Variants in CTIF observed in about 807,000 individuals in gnomAD.
The protein encoded by CTIF is CBP80/20-dependent translation initiation factor.
In CTIF, 21 loss-of-function variants were observed where a neutral mutation model predicts 66.0. The ratio of observed to expected loss-of-function variants is 0.32; its 90% confidence interval spans 0.23 to 0.46. The LOEUF (loss-of-function observed/expected upper bound fraction) is 0.46, where lower values mean the gene tolerates loss of function less well. Ranked by LOEUF, CTIF falls within the 20% of genes least tolerant of loss-of-function variation. The pLI, the probability that CTIF is intolerant of heterozygous loss-of-function variation, is 1.00. For synonymous variants in CTIF, 345 were observed against 326.4 expected (o/e 1.06, Z -0.62); for missense variants, 739 against 812.7 (o/e 0.91, Z 1.10).
intron 7 of CTIF, among the ~76,000 whole-genome samples, chr18:48,738,900 T>A (rs1198499241): frequency 6.6e-6 from 1 of 152,220 alleles, no homozygotes; most frequent in Non-Finnish European, 1.5e-5. Context: ...ACTTACTTTA[T>A]CCTCTCAGGG....
intron 6 of CTIF, among the ~76,000 whole-genome samples, chr18:48,706,241 CT>C (rs1194067521): frequency 6.6e-6 from 1 of 152,194 alleles, no homozygotes; most frequent in African/African-American, 2.4e-5. Context: ...AGAATATGTG[CT>C]CTGTAAGAAC....
rs1029361999 is a variant in CTIF at position 48,758,272 on chromosome 18, C to A, written c.938C>A (p.Pro313Gln). 4.3e-6 allele frequency: 7 copies of A among 1,613,402 alleles called. No homozygotes were observed. In the African/African-American group the frequency reaches 6.7e-5, roughly 15 times the overall value. The change falls in exon 8 of 12, where the codon CCA becomes CAA. Residue 313 changes from proline (P) to glutamine (Q), a missense_variant. This residue lies in a region of CTIF where 529 missense variants were observed against 520.3 expected (regional missense o/e 1.02). Coordinates refer to ENST00000256413, the MANE Select transcript of CTIF (RefSeq NM_014772.3). ...LAPVASERLPPQQSGGPEVET... is the reference protein window; with the variant it reads ...LAPVASERLPQQQSGGPEVET... Reference sequence around the variant, plus strand: ...CCGGTGGCTTCTGAGCGGCTGCCCCCACAGCAGTCAGGGGGGCCAGAGGTT... The same window carrying A: ...CCGGTGGCTTCTGAGCGGCTGCCCCAACAGCAGTCAGGGGGGCCAGAGGTT...
intron 9 of CTIF, among the ~76,000 whole-genome samples, chr18:48,769,732 A>G (rs540199214): frequency 3.9e-5 from 6 of 152,316 alleles, no homozygotes; most frequent in South Asian, 2.1e-4. Context: ...CTCGTTGCCA[A>G]TCTTGTTGTC....
At chr18:48,620,158 A>C (rs1414865852) in intron 2 of CTIF, among the ~76,000 whole-genome samples, 1 of 152,220 alleles carries the variant, frequency 6.6e-6, no homozygotes, top group Admixed American at 6.5e-5. Flanking sequence ...TGTGATTTCA[A>C]ATACAAGTAG....
intron 2 of CTIF, among the ~76,000 whole-genome samples, chr18:48,629,636 CAA>C (rs377481318): frequency 1.9e-4 from 26 of 134,764 alleles, no homozygotes; most frequent in Non-Finnish European, 1.5e-4. Flanking sequence ...TTGTTTAGAG[CAA>C]AAAAAAAAAA....
chr18:48,601,416 G>A (rs1384480410), intron 1 of CTIF, among the ~76,000 whole-genome samples: 2 of 152,186 alleles, frequency 1.3e-5, no homozygotes, highest in Non-Finnish European at 2.9e-5. Context: ...TTTGGCAAGG[G>A]CGTTGCCAGA....
intron 9 of CTIF, among the ~76,000 whole-genome samples, chr18:48,794,905 A>G (rs1213897247): frequency 6.6e-6 from 1 of 152,024 alleles, no homozygotes; most frequent in Non-Finnish European, 1.5e-5. Flanking sequence ...GTGTGGATGC[A>G]TGGGTGATCG....
At chr18:48,679,042 C>A (rs299735) in intron 6 of CTIF, among the ~76,000 whole-genome samples, 146,486 of 152,306 alleles carry the variant, frequency 0.96, 70,688 homozygotes, top group East Asian at 1. Context: ...AATATTGACT[C>A]TCTGGCTTTT....
At chr18:48,618,399 A>C (rs1265863358) in intron 1 of CTIF, among the ~76,000 whole-genome samples, 1 of 152,134 alleles carries the variant, frequency 6.6e-6, no homozygotes, top group East Asian at 1.9e-4. Flanking sequence ...AGTCTGTTCT[A>C]CTAGTTGTGA....
At chr18:48,577,328 G>A (rs975773726) in intron 1 of CTIF, among the ~76,000 whole-genome samples, 1 of 152,130 alleles carries the variant, frequency 6.6e-6, no homozygotes, top group Non-Finnish European at 1.5e-5. Flanking sequence ...ATCCAGAGAC[G>A]GTGTGTAGGA....
intron 1 of CTIF, among the ~76,000 whole-genome samples, chr18:48,584,299 C>A (rs1285791071): frequency 6.6e-6 from 1 of 152,218 alleles, no homozygotes; most frequent in East Asian, 1.9e-4. Context: ...TGTCACCCAA[C>A]TCTGATTGTC....
intron 2 of CTIF, among the ~76,000 whole-genome samples, chr18:48,626,264 G>T (rs1048727142): frequency 3.9e-5 from 6 of 152,062 alleles, no homozygotes; most frequent in African/African-American, 1.4e-4. Context: ...GGCTCCTAAA[G>T]TGCTGGGATT....
chr18:48,558,826 A>G (rs1343220966), intron 1 of CTIF, among the ~76,000 whole-genome samples: 1 of 152,230 alleles, frequency 6.6e-6, no homozygotes, highest in Non-Finnish European at 1.5e-5. Context: ...GCTGCAATAA[A>G]AAGTGTTCTC....
At chr18:48,601,464 C>G (rs1262122047) in intron 1 of CTIF, among the ~76,000 whole-genome samples, 2 of 152,228 alleles carry the variant, frequency 1.3e-5, no homozygotes, top group Non-Finnish European at 2.9e-5. Flanking sequence ...GCTGTCCCCC[C>G]GAGGGTCCTT....
At chr18:48,712,037 G>A (rs8095199) in intron 7 of CTIF, among the ~76,000 whole-genome samples, 81,417 of 152,002 alleles carry the variant, frequency 0.54, 25,180 homozygotes, top group African/African-American at 0.86. Flanking sequence ...GTGGTCCTCA[G>A]AAAATAGGAC....
intron 7 of CTIF, among the ~76,000 whole-genome samples, chr18:48,727,473 C>G (rs1047712478): frequency 1.3e-5 from 2 of 152,146 alleles, no homozygotes; most frequent in African/African-American, 4.8e-5. Context: ...TTGGGAGGTC[C>G]AAGAGCTTCT....
chr18:48,677,996 T>A (rs1253191819), intron 6 of CTIF, among the ~76,000 whole-genome samples: 1 of 152,212 alleles, frequency 6.6e-6, no homozygotes, highest in Non-Finnish European at 1.5e-5. Context: ...TGAGCTCAAA[T>A]ACCTTGCCTC....
intron 9 of CTIF, among the ~76,000 whole-genome samples, chr18:48,763,468 G>A (rs1909211664): frequency 6.6e-6 from 1 of 152,238 alleles, no homozygotes; most frequent in Non-Finnish European, 1.5e-5. Context: ...ACCACAACGT[G>A]CACTGGTTTA....
intron 1 of CTIF, among the ~76,000 whole-genome samples, chr18:48,579,068 T>A (rs2089596426): frequency 6.6e-6 from 1 of 152,180 alleles, no homozygotes; most frequent in Admixed American, 6.5e-5. Context: ...TTCATTTTGT[T>A]AGAGACAGTG....
Sources: gnomAD v4.1 joint callset for allele counts (sites outside exome capture counted in the v4.1 genomes callset) on GRCh38, gnomAD v4.1.1 for gene constraint, gnomAD v4.1.1 regional missense constraint, MANE v1.5 for transcripts, NCBI Gene and HGNC (gene_info 2026-07-23, HGNC 2026-07-21) for gene names.